Variants in UNC80 observed in about 807,000 individuals in gnomAD.
UNC80 encodes protein unc-80 homolog.
A neutral mutation model predicts 384.6 loss-of-function variants in UNC80; 164 were observed. The ratio of observed to expected loss-of-function variants is 0.43; its 90% CI spans 0.38 to 0.49. The LOEUF is 0.49. Among genes scored for constraint, UNC80 ranks in the 20% least tolerant of loss-of-function variants. The probability of loss-of-function intolerance (pLI) is 0.00; values close to 1 mark genes in which losing one functional copy is unlikely to be tolerated. For missense variants in UNC80, 3,330 were observed against 4,143.0 expected (o/e 0.80, Z 5.39); for synonymous variants, 1,486 against 1,527.8 (o/e 0.97, Z 0.64).
In UNC80 at chr2:209,839,370, C is replaced by T. The variant is rs1035839091; in HGVS notation, c.3190C>T (p.Arg1064Ter). The T allele has an allele frequency of 1.3e-6, 2 of 1,551,856 alleles. No homozygotes were observed. Among genetic ancestry groups the T allele is most frequent in the Non-Finnish European group, 1.7e-6 (2 of 1,147,074 alleles). The change falls in exon 19 of 65, where the codon CGA becomes TGA. Residue 1064 changes from arginine (R) to a stop codon, truncating the protein, a stop_gained. Transcript: ENST00000673920. LOFTEE classifies it high-confidence loss of function. This position sits in a 1 kb window ranked among gnomAD's most constrained non-coding sequence, Gnocchi z 4.1. ...TGCCCACTCAGGGACCACCTCTGAC[C>T]GACGTGCCCGCTCACGATCCCGCAG... ...TTAHSGTTSD[R>*]RARSRSRRIS...
intron 54 of UNC80, among the ~76,000 whole-genome samples, 156 bp from the exon 55 acceptor site, chr2:209,972,045 T>C (rs1275781366): frequency 2.0e-5 from 3 of 152,238 alleles, no homozygotes; most frequent in African/African-American, 7.2e-5. Context: ...AGTATCAGTT[T>C]TGAGTGAAGC....
intron 54 of UNC80, among the ~76,000 whole-genome samples, chr2:209,971,308 A>G (rs2092877660): frequency 6.6e-6 from 1 of 152,204 alleles, no homozygotes; most frequent in Admixed American, 6.5e-5. Flanking sequence ...TTATTTTCAG[A>G]AAGAATTGCA....
intron 47 of UNC80, among the ~76,000 whole-genome samples, chr2:209,950,852 C>T (rs2092143517): frequency 6.7e-6 from 1 of 149,644 alleles, no homozygotes; most frequent in African/African-American, 2.5e-5. Flanking sequence ...GCCACCGCAC[C>T]CAGCTGGATT....
chr2:209,789,431 G>A (rs1201045748), intron 5 of UNC80, 101 bp from the exon 6 acceptor site: 1 of 766,674 alleles, frequency 1.3e-6, no homozygotes, highest in East Asian at 2.5e-5. Flanking sequence ...AAGTAATAAT[G>A]TTCTATTAAA....
chr2:209,990,558 A>C (rs2093373338), intron 61 of UNC80, among the ~76,000 whole-genome samples: 1 of 152,196 alleles, frequency 6.6e-6, no homozygotes, highest in African/African-American at 2.4e-5. Context: ...TATTAGGAGA[A>C]GCTTGTTTCT....
intron 7 of UNC80, among the ~76,000 whole-genome samples, chr2:209,798,875 A>G (rs1349043910): frequency 6.9e-5 from 10 of 144,152 alleles, no homozygotes; most frequent in South Asian, 4.4e-4. Flanking sequence ...TAGTAGAGAC[A>G]GGGTTTCACT....
At chr2:209,772,932 A>G (rs1018692299) in intron 1 of UNC80, among the ~76,000 whole-genome samples, 162 bp from the exon 2 acceptor site, 13 of 152,226 alleles carry the variant, frequency 8.5e-5, no homozygotes, top group African/African-American at 3.1e-4. Flanking sequence ...GTAAAAGAAA[A>G]TGTCATCAGC....
At chr2:209,939,698 A>C in intron 43 of UNC80, 46 bp downstream of exon 43, 1 of 1,454,692 alleles carries the variant, frequency 6.9e-7, no homozygotes, top group Non-Finnish European at 9.1e-7. Context: ...TTTCTAACAC[A>C]CTTGTTGTTT....
At chr2:209,856,140 A>G (rs1331490441) in intron 22 of UNC80, among the ~76,000 whole-genome samples, 1 of 152,112 alleles carries the variant, frequency 6.6e-6, no homozygotes, top group South Asian at 2.1e-4. Flanking sequence ...GTATTGTCCA[A>G]TATTTTTATT....
intron 7 of UNC80, among the ~76,000 whole-genome samples, chr2:209,798,543 A>G (rs1004283165): frequency 6.6e-6 from 1 of 152,168 alleles, no homozygotes. Flanking sequence ...TACCAATACC[A>G]TGCTGTTTTG....
chr2:209,939,853 G>A (rs1049094633), intron 43 of UNC80, among the ~76,000 whole-genome samples: 1 of 152,054 alleles, frequency 6.6e-6, no homozygotes, highest in Non-Finnish European at 1.5e-5. Context: ...TCTCCTAAAC[G>A]CACTTGTTTT....
In UNC80 at chr2:209,777,398, G is replaced by T; in HGVS notation, c.439G>T (p.Ala147Ser). 6.2e-7 allele frequency: 1 copy of T among 1,614,196 alleles called. No individual in the cohort carries two copies. The highest frequency in any genetic ancestry group is 8.5e-7 in the Non-Finnish European group (1 of 1,180,036). ...RGSSWGGSSS[A>S]FIHQVENQGS... Reference sequence around the variant, plus strand: ...CTCCAGCTGGGGTGGAAGCAGCAGTGCTTTCATCCACCAGGTTGAAAACCA... The same window carrying T: ...CTCCAGCTGGGGTGGAAGCAGCAGTTCTTTCATCCACCAGGTTGAAAACCA... The change falls in exon 4 of 65, where the codon GCT becomes TCT. Residue 147 changes from alanine (A) to serine (S), a missense_variant. Physicochemically the swap from Ala to Ser is moderately conservative, Grantham distance 99. Around this residue, in one of 8 missense-constraint regions of UNC80, gnomAD observed 937 missense variants for 1,026.8 expected, o/e 0.91. Transcript: ENST00000673920.
chr2:209,820,788 C>T, intron 13 of UNC80, 109 bp downstream of exon 13: 1 of 1,244,862 alleles, frequency 8.0e-7, no homozygotes, highest in Non-Finnish European at 1.1e-6. Context: ...GTCACTAGAG[C>T]AAAAAAGTGG....
At chr2:209,803,183 A>G (rs1042873714) in intron 7 of UNC80, among the ~76,000 whole-genome samples, 2 of 152,182 alleles carry the variant, frequency 1.3e-5, no homozygotes, top group African/African-American at 4.8e-5. Context: ...TCATAAATAC[A>G]TCACAGTTCC....
chr2:209,866,371 G>A (rs1385617289), intron 22 of UNC80, among the ~76,000 whole-genome samples: 1 of 151,896 alleles, frequency 6.6e-6, no homozygotes, highest in Non-Finnish European at 1.5e-5. Flanking sequence ...TCAACAAGGG[G>A]CAGTTTTGCC....
Position 209,835,072 on chromosome 2 carries a change from CTATTT to C in UNC80, c.3041+64_3041+68del. On this transcript the variant is annotated intron_variant, in intron 18 of 64. Transcript: ENST00000673920. ...TATGCACTTCACTCTGGAAGAATTT[CTATTT>C]TCCAAACTGCTATTTGTTTGTTTTT... The C allele has an allele frequency of 3.0e-6, 4 of 1,316,906 alleles. 1 individual carries two copies. In the Middle Eastern group the frequency reaches 5.8e-4, roughly 190 times the overall value. 81.6% of individuals were successfully genotyped at this position (1,316,906 alleles called of 1,614,324 possible).
At chr2:209,822,046 A>T (rs1361057957) in intron 13 of UNC80, among the ~76,000 whole-genome samples, 1 of 152,070 alleles carries the variant, frequency 6.6e-6, no homozygotes, top group Non-Finnish European at 1.5e-5. Flanking sequence ...GTCCCACTTG[A>T]CACATGTTTA....
At chr2:209,890,567 A>T (rs1269810728) in intron 26 of UNC80, among the ~76,000 whole-genome samples, 1 of 152,258 alleles carries the variant, frequency 6.6e-6, no homozygotes, top group Non-Finnish European at 1.5e-5. Flanking sequence ...CATGACAAAT[A>T]CCAATTTCCA....
chr2:209,878,107 A>C lies in UNC80; in HGVS notation c.3976+18A>C, dbSNP rs2084939495. 6.6e-7 allele frequency: 1 copy of C among 1,514,030 alleles called. No homozygotes were observed. Among genetic ancestry groups the C allele is most frequent in the South Asian group, 1.3e-5 (1 of 78,118 alleles). The allele number at this position is 1,514,030 out of a possible 1,614,324, so 93.8% of individuals were successfully genotyped here. On this transcript the variant is annotated intron_variant, in intron 24 of 64. Coordinates refer to ENST00000673920, the MANE Select transcript of UNC80 (RefSeq NM_001371986.1). ...AGATGACAGTAAGGAGACTCCCTTT[A>C]CTACAAGAACCCCTGCTTGTAAGAA...
Sources: gnomAD v4.1 joint callset for allele counts (sites outside exome capture counted in the v4.1 genomes callset) on GRCh38, gnomAD v4.1.1 for gene constraint, gnomAD v4.1.1 regional missense constraint, Gnocchi (gnomAD v3.1) non-coding constraint, MANE v1.5 for transcripts, NCBI Gene and HGNC (gene_info 2026-07-23, HGNC 2026-07-21) for gene names.